Variants in CPQ observed in about 807,000 individuals in gnomAD.
The protein encoded by CPQ is Ser-Met dipeptidase.
A neutral mutation model predicts 45.7 loss-of-function variants in CPQ; 37 were observed. That is an observed-to-expected ratio of 0.81 (90% CI 0.62 to 1.07). The LOEUF is 1.07. Among genes scored for constraint, CPQ ranks in the 50% least tolerant of loss-of-function variants. The pLI is 0.00. For synonymous variants in CPQ, 186 were observed against 205.8 expected, an observed-to-expected ratio of 0.90 and a Z score of 0.82; for missense variants, 537 against 572.9, an observed-to-expected ratio of 0.94 and a Z score of 0.64.
chr8:97,038,894 G>C (rs1248779487), intron 6 of CPQ, among the ~76,000 whole-genome samples: 3 of 148,038 alleles, frequency 2.0e-5, no homozygotes, highest in African/African-American at 7.4e-5. Flanking sequence ...GTTCTAAACT[G>C]TTACAAGGCA....
chr8:96,652,603 G>C (rs1334451018), intron 1 of CPQ, among the ~76,000 whole-genome samples: 1 of 152,130 alleles, frequency 6.6e-6, no homozygotes, highest in East Asian at 1.9e-4. Flanking sequence ...CAATGTATAA[G>C]AGTTTCCTTT....
intron 5 of CPQ, among the ~76,000 whole-genome samples, chr8:96,993,642 C>A (rs1193901511): frequency 6.6e-6 from 1 of 151,926 alleles, no homozygotes; most frequent in Non-Finnish European, 1.5e-5. Context: ...AAACACTAAG[C>A]CTGTATGTCA....
chr8:96,876,167 C>T (rs1378351099), intron 3 of CPQ, among the ~76,000 whole-genome samples: 1 of 151,936 alleles, frequency 6.6e-6, no homozygotes, highest in Non-Finnish European at 1.5e-5. Flanking sequence ...CTTTTATCTG[C>T]TAACCTTGAT....
At chr8:97,081,642 C>A (rs1810951834) in intron 7 of CPQ, among the ~76,000 whole-genome samples, 1 of 152,186 alleles carries the variant, frequency 6.6e-6, no homozygotes, top group South Asian at 2.1e-4. Context: ...CCACTGTTTT[C>A]CATGTGAATA....
intron 6 of CPQ, among the ~76,000 whole-genome samples, chr8:97,061,846 A>G (rs1057372029): frequency 2.6e-5 from 4 of 152,216 alleles, no homozygotes; most frequent in South Asian, 4.2e-4. Flanking sequence ...AGCCTTTACA[A>G]TGTACTGTTT....
At chr8:96,694,279 C>T (rs1809342371) in intron 1 of CPQ, among the ~76,000 whole-genome samples, 1 of 151,432 alleles carries the variant, frequency 6.6e-6, no homozygotes, top group Admixed American at 6.6e-5. Flanking sequence ...TCAGTAATAA[C>T]GTTTAATGTA....
chr8:96,854,746 G>A (rs1303954154), intron 3 of CPQ, among the ~76,000 whole-genome samples: 1 of 152,086 alleles, frequency 6.6e-6, no homozygotes, highest in African/African-American at 2.4e-5. Context: ...GGAGACCCAA[G>A]TGAGCTAATG....
intron 7 of CPQ, among the ~76,000 whole-genome samples, chr8:97,096,506 G>A (rs915870354): frequency 2.0e-5 from 3 of 152,090 alleles, no homozygotes; most frequent in South Asian, 2.1e-4. Flanking sequence ...ATGCTAAAAC[G>A]TACAACTACT....
chr8:96,895,747 C>T (rs1054345986), intron 4 of CPQ, among the ~76,000 whole-genome samples: 6 of 152,098 alleles, frequency 3.9e-5, no homozygotes, highest in African/African-American at 1.4e-4. Flanking sequence ...GTTATACTGT[C>T]AGTTAAATTA....
chr8:96,715,972 G>A (rs1461952607), intron 1 of CPQ, among the ~76,000 whole-genome samples: 4 of 152,246 alleles, frequency 2.6e-5, no homozygotes, highest in Non-Finnish European at 5.9e-5. Context: ...TCTGATGCAG[G>A]TGGCAGGGGA....
intron 7 of CPQ, among the ~76,000 whole-genome samples, chr8:97,131,970 A>T (rs1004942919): frequency 6.6e-6 from 1 of 152,216 alleles, no homozygotes; most frequent in Non-Finnish European, 1.5e-5. Context: ...TTCAATGCCA[A>T]GGAAACTCAA....
chr8:96,694,359 A>C (rs1455711415), intron 1 of CPQ, among the ~76,000 whole-genome samples: 1 of 152,100 alleles, frequency 6.6e-6, no homozygotes, highest in Non-Finnish European at 1.5e-5. Flanking sequence ...AGACCCAATT[A>C]TCTGTTACCT....
intron 3 of CPQ, among the ~76,000 whole-genome samples, chr8:96,854,270 G>A (rs537081560): frequency 7.9e-5 from 12 of 152,012 alleles, no homozygotes; most frequent in African/African-American, 2.9e-4. Context: ...GGTGGCTCAC[G>A]CCTGTAATCC....
At chr8:96,829,974 C>T (rs1811431084) in intron 2 of CPQ, among the ~76,000 whole-genome samples, 1 of 152,140 alleles carries the variant, frequency 6.6e-6, no homozygotes, top group Non-Finnish European at 1.5e-5. Context: ...ACGAAAAGGA[C>T]ATTGCACAAT....
chr8:96,710,756 G>A (rs528307046), intron 1 of CPQ, among the ~76,000 whole-genome samples: 47 of 152,252 alleles, frequency 3.1e-4, no homozygotes, highest in Non-Finnish European at 5.1e-4. Flanking sequence ...GATTTGTTTT[G>A]TGGCATGTCA....
chr8:96,755,772 TA>T (rs1307816207), intron 1 of CPQ, among the ~76,000 whole-genome samples: 1 of 151,998 alleles, frequency 6.6e-6, no homozygotes, highest in Non-Finnish European at 1.5e-5. Context: ...TATAATAACT[TA>T]AAAATTTGTA....
intron 1 of CPQ, among the ~76,000 whole-genome samples, chr8:96,782,123 T>G (rs974287502): frequency 1.7e-4 from 26 of 152,202 alleles, no homozygotes; most frequent in African/African-American, 6.3e-4. Flanking sequence ...GTTCTGCCCC[T>G]GCAGCTTCAC....
At chr8:96,860,396 G>A (rs553280287) in intron 3 of CPQ, among the ~76,000 whole-genome samples, 5 of 152,182 alleles carry the variant, frequency 3.3e-5, no homozygotes, top group African/African-American at 9.6e-5. Context: ...TGTGAGGTTC[G>A]CTTTTTATTT....
At chr8:97,110,227 C>G (rs1247883505) in intron 7 of CPQ, among the ~76,000 whole-genome samples, 1 of 152,164 alleles carries the variant, frequency 6.6e-6, no homozygotes, top group East Asian at 1.9e-4. Flanking sequence ...TGGACTCACA[C>G]ACGGGTATGT....
Sources: allele counts gnomAD v4.1 joint callset (sites outside exome capture counted in the v4.1 genomes callset), GRCh38; gene constraint gnomAD v4.1.1; transcripts MANE v1.5; gene names NCBI Gene and HGNC (gene_info 2026-07-23, HGNC 2026-07-21).